The following MITF variants were observed in gnomAD, a reference collection of about 807,000 sequenced individuals.
MITF encodes the protein melanocyte inducing transcription factor, also known as microphthalmia-associated transcription factor.
MITF carries 17 observed loss-of-function variants against 60.5 expected under a neutral mutation model. That is an observed-to-expected ratio of 0.28 (90% confidence interval 0.19 to 0.42). MITF has a LOEUF of 0.42. Ranked by LOEUF, MITF falls within the 10% of genes least tolerant of loss-of-function variation. The pLI is 1.00. For synonymous variants in MITF, 260 were observed against 248.5 expected, an observed-to-expected ratio of 1.05 and a Z score of -0.43; for missense variants, 622 against 683.5, an observed-to-expected ratio of 0.91 and a Z score of 1.00.
At chr3:69,759,929 C>A (rs1017885481) in intron 1 of MITF, among the ~76,000 whole-genome samples, 1 of 152,168 alleles carries the variant, frequency 6.6e-6, no homozygotes, top group Non-Finnish European at 1.5e-5. Context: ...AGGCACCCGC[C>A]ACCACACCTG....
intron 1 of MITF, among the ~76,000 whole-genome samples, chr3:69,816,686 G>A (rs748503128): frequency 4.6e-5 from 7 of 152,132 alleles, no homozygotes; most frequent in Non-Finnish European, 1.0e-4. Flanking sequence ...CTGCTTTATT[G>A]TAAAATGGGC....
intron 1 of MITF, among the ~76,000 whole-genome samples, chr3:69,746,249 A>C (rs1415873721): frequency 1.3e-5 from 2 of 152,230 alleles, no homozygotes; most frequent in African/African-American, 2.4e-5. Context: ...TGCAGTTTGC[A>C]CAGGCTGATG....
chr3:69,805,969 A>G (rs767135981), intron 1 of MITF, among the ~76,000 whole-genome samples: 3 of 152,104 alleles, frequency 2.0e-5, no homozygotes, highest in Non-Finnish European at 4.4e-5. Context: ...CCAAAAATGC[A>G]TTTTTAGAAG....
At chr3:69,774,056 G>A (rs1445124998) in intron 1 of MITF, among the ~76,000 whole-genome samples, 1 of 152,152 alleles carries the variant, frequency 6.6e-6, no homozygotes, top group Non-Finnish European at 1.5e-5. Context: ...CAGAAAAGAG[G>A]GCCAGAAGCC....
In MITF at chr3:69,956,420, T is replaced by C. The variant is rs747379118; in HGVS notation, c.956-35T>C. 7.8e-6 allele frequency: 12 copies of C among 1,541,286 alleles called. No homozygotes were observed. The African/African-American group carries it at 1.5e-4, about 19-fold the overall frequency. On this transcript the variant is annotated intron_variant, in intron 7 of 9. Coordinates refer to ENST00000352241, the MANE Select transcript of MITF (RefSeq NM_001354604.2). The stretch of plus-strand genomic sequence containing the variant: ...TGTGCTAAATGCATACATGGCACTG[T>C]TACTAATAGCCTTTCCTGTGCTCTT...
intron 1 of MITF, chr3:69,769,496 G>A (rs757508092): frequency 3.3e-5 from 5 of 151,916 alleles, no homozygotes; most frequent in Non-Finnish European, 7.4e-5. Context: ...TTGATACGGG[G>A]CCTTGCTGTG....
chr3:69,743,657 G>A lies in MITF; in HGVS notation c.104+3956G>A, dbSNP rs9874576. Among the ~76,000 whole-genome samples the A allele has an allele frequency of 6.9e-3, 1,055 of 152,278 alleles. 16 individuals are homozygous for A. Among genetic ancestry groups the A allele is most frequent in the African/African-American group, 0.024 (982 of 41,538 alleles). On this transcript the variant is annotated intron_variant, in intron 1 of 9. Transcript: ENST00000352241. ...GAATTGTTTGCACACCGTTTCCTCC[G>A]ACAAGGTTTTAGAAACCTTGTGTTC...
chr3:69,829,223 A>T (rs1053478179), intron 1 of MITF, among the ~76,000 whole-genome samples: 1 of 152,182 alleles, frequency 6.6e-6, no homozygotes, highest in Non-Finnish European at 1.5e-5. Context: ...TCAGCCTGTG[A>T]TGGATTTGGA....
chr3:69,897,069 G>C (rs944556893), intron 2 of MITF, among the ~76,000 whole-genome samples: 5 of 152,164 alleles, frequency 3.3e-5, no homozygotes, highest in African/African-American at 1.2e-4. Context: ...GTAGGACTAG[G>C]AGGGTATTGG....
At chr3:69,780,789 C>T (rs923058348) in intron 1 of MITF, among the ~76,000 whole-genome samples, 1 of 152,202 alleles carries the variant, frequency 6.6e-6, no homozygotes, top group African/African-American at 2.4e-5. Context: ...TACTAGTCTC[C>T]TTAAGGCTAG....
At chr3:69,750,213 G>T (rs1703879028) in intron 1 of MITF, among the ~76,000 whole-genome samples, 1 of 151,984 alleles carries the variant, frequency 6.6e-6, no homozygotes, top group South Asian at 2.1e-4. Context: ...CAATTTCATG[G>T]CTCCAGGAGT....
chr3:69,844,555 G>GC (rs2107152328), intron 1 of MITF, among the ~76,000 whole-genome samples: 1 of 152,222 alleles, frequency 6.6e-6, no homozygotes, highest in South Asian at 2.1e-4. Flanking sequence ...CAGGACATAG[G>GC]CATGGGCAAA....
At chr3:69,789,962 A>G (rs770499203) in intron 1 of MITF, among the ~76,000 whole-genome samples, 20 of 152,178 alleles carry the variant, frequency 1.3e-4, no homozygotes, top group Middle Eastern at 3.2e-3. Context: ...TCCTATAGAT[A>G]ATTGCACATC....
At chr3:69,745,645 T>C (rs1421146716) in intron 1 of MITF, among the ~76,000 whole-genome samples, 1 of 152,226 alleles carries the variant, frequency 6.6e-6, no homozygotes, top group African/African-American at 2.4e-5. Context: ...TTTAAGCTCT[T>C]TCTTGTGGTC....
intron 2 of MITF, among the ~76,000 whole-genome samples, chr3:69,902,915 C>T (rs1186446869): frequency 6.6e-6 from 1 of 151,436 alleles, no homozygotes; most frequent in Non-Finnish European, 1.5e-5. Context: ...TTTTAAATTA[C>T]TTTGTATTAT....
intron 5 of MITF, among the ~76,000 whole-genome samples, chr3:69,948,810 A>G (rs1198015673): frequency 6.6e-6 from 1 of 152,152 alleles, no homozygotes; most frequent in African/African-American, 2.4e-5. Flanking sequence ...TAGAGTAGTC[A>G]TTTTATGGGT....
At chr3:69,961,541 C>T (rs1196385585) in intron 9 of MITF, among the ~76,000 whole-genome samples, 1 of 143,320 alleles carries the variant, frequency 7.0e-6, no homozygotes, top group Non-Finnish European at 1.5e-5. Flanking sequence ...CCTGTCTTTA[C>T]CAAAAATACA....
chr3:69,778,271 CTA>C (rs1172570663), intron 1 of MITF, among the ~76,000 whole-genome samples: 2 of 151,964 alleles, frequency 1.3e-5, no homozygotes. Context: ...ATTCTTCCTC[CTA>C]TATGTGGTAG....
intron 2 of MITF, among the ~76,000 whole-genome samples, chr3:69,903,120 A>G (rs1246517746): frequency 3.9e-5 from 6 of 152,176 alleles, no homozygotes; most frequent in African/African-American, 1.4e-4. Context: ...TGAAAATGCA[A>G]TGTGTATCAT....
Sources: gnomAD v4.1 joint callset for allele counts (sites outside exome capture counted in the v4.1 genomes callset) on GRCh38, gnomAD v4.1.1 for gene constraint, MANE v1.5 for transcripts, NCBI Gene and HGNC (gene_info 2026-07-23, HGNC 2026-07-21) for gene names.